The following TCF4 variants were observed in gnomAD, a reference collection of about 807,000 sequenced individuals.
The protein encoded by TCF4 is SL3-3 enhancer factor 2.
A neutral mutation model predicts 82.1 loss-of-function variants in TCF4; 3 were observed. That is an observed-to-expected ratio of 0.04 (90% confidence interval 0.02 to 0.09). The LOEUF (loss-of-function observed/expected upper bound fraction) is 0.09. Ranked by LOEUF, TCF4 falls within the 10% of genes least tolerant of loss-of-function variation. The pLI is 1.00. For missense variants in TCF4, 518 were observed against 852.7 expected, an observed-to-expected ratio of 0.61 and a Z score of 4.89; for synonymous variants, 276 against 309.6, an observed-to-expected ratio of 0.89 and a Z score of 1.14.
intron 6 of TCF4, among the ~76,000 whole-genome samples, chr18:55,363,847 T>C (rs2086149848): frequency 6.6e-6 from 1 of 151,956 alleles, no homozygotes; most frequent in South Asian, 2.1e-4. Context: ...GAAAACATTA[T>C]CCAAACCATA....
chr18:55,509,715 A>G (rs1452995264), intron 3 of TCF4, among the ~76,000 whole-genome samples: 2 of 152,148 alleles, frequency 1.3e-5, no homozygotes, highest in Non-Finnish European at 2.9e-5. Flanking sequence ...CAAAATCTTT[A>G]TTGAGAAGCA....
At chr18:55,439,666 C>T (rs1420300305) in intron 5 of TCF4, among the ~76,000 whole-genome samples, 3 of 152,130 alleles carry the variant, frequency 2.0e-5, no homozygotes, top group Non-Finnish European at 2.9e-5. Context: ...ATGGGTAACT[C>T]GAAAAGAACT....
intron 8 of TCF4, chr18:55,322,087 CTT>C (rs2075649607): frequency 9.7e-7 from 1 of 1,031,702 alleles, no homozygotes; most frequent in African/African-American, 2.0e-5. Context: ...TTTTCTTTTT[CTT>C]TTCTTTTTTT....
At chr18:55,296,563 G>A (rs1157398525) in intron 8 of TCF4, among the ~76,000 whole-genome samples, 1 of 152,124 alleles carries the variant, frequency 6.6e-6, no homozygotes, top group Non-Finnish European at 1.5e-5. Flanking sequence ...TTTACCTGCA[G>A]TGGTTTTTGG....
chr18:55,631,499 A>T, intron 1 of TCF4: 3 of 1,150,410 alleles, frequency 2.6e-6, no homozygotes, highest in Non-Finnish European at 3.6e-6. Context: ...GGTTAGGGTA[A>T]TGCCCTACAG....
chr18:55,278,321 A>G (rs973985755), intron 9 of TCF4, among the ~76,000 whole-genome samples: 5 of 152,172 alleles, frequency 3.3e-5, no homozygotes, highest in African/African-American at 1.2e-4. Flanking sequence ...GGCTTATACA[A>G]ATAAGGTTTT....
chr18:55,487,217 T>C (rs1271787991), intron 3 of TCF4, among the ~76,000 whole-genome samples: 1 of 152,128 alleles, frequency 6.6e-6, no homozygotes, highest in Admixed American at 6.5e-5. Flanking sequence ...TTCCTCAACC[T>C]GGAAAACATT....
intron 3 of TCF4, among the ~76,000 whole-genome samples, chr18:55,504,016 G>A (rs1372426451): frequency 6.6e-6 from 1 of 152,188 alleles, no homozygotes; most frequent in Non-Finnish European, 1.5e-5. Flanking sequence ...AGAAGTTGCA[G>A]TGAGACCGAT....
chr18:55,615,772 A>C (rs1212538462), intron 2 of TCF4, among the ~76,000 whole-genome samples: 2 of 152,108 alleles, frequency 1.3e-5, no homozygotes, highest in African/African-American at 4.8e-5. Flanking sequence ...TTTCTTTAAA[A>C]TTTTGGTTTT....
In TCF4 at chr18:55,438,075, C is replaced by T. The variant is rs1402471901; in HGVS notation, c.304+22944G>A. On this transcript the variant is annotated intron_variant, in intron 5 of 19. Transcript: ENST00000354452. ...AATTAACTGGGTGTGGTGGTGCATG[C>T]CTGTAATCCCAGCTACTCAGGAGGC... Among the ~76,000 whole-genome samples the T allele has an allele frequency of 2.6e-5, 4 of 151,978 alleles. No individual in the cohort carries two copies. In the East Asian group the frequency reaches 7.7e-4, roughly 29 times the overall value.
rs1041143685 is a variant in TCF4, at chr18:55,537,996, C to T, written c.145+47284G>A. On this transcript the variant is annotated intron_variant, in intron 3 of 19. Coordinates refer to ENST00000354452, the MANE Select transcript of TCF4 (RefSeq NM_001083962.2). ...TTATCCTGTCATTGGCCTTTGTTTG[C>T]TAGTCTGGATTTTGCTAGTCTGCGC... Among the ~76,000 whole-genome samples, 3 of 149,092 alleles carry T rather than the reference C, an allele frequency of 2.0e-5. No homozygotes were observed. In the South Asian group the frequency reaches 6.5e-4, roughly 32 times the overall value.
At chr18:55,233,532 C>T (rs991908155) in intron 16 of TCF4, among the ~76,000 whole-genome samples, 4 of 152,064 alleles carry the variant, frequency 2.6e-5, no homozygotes, top group African/African-American at 7.2e-5. Flanking sequence ...AAGAAAGGTC[C>T]TGGCCAGTTG....
chr18:55,588,779 T>G (rs1475276611), upstream of TCF4: 16 of 1,079,478 alleles, frequency 1.5e-5, 1 homozygote, highest in South Asian at 5.1e-4. Flanking sequence ...GGGCGAAATC[T>G]GAATTGCATA....
In TCF4 at chr18:55,257,302, A is replaced by G. The variant is rs895121635; in HGVS notation, c.1146+13T>C. The G allele has an allele frequency of 6.2e-7, 1 of 1,612,860 alleles. No homozygotes were observed. The highest frequency in any genetic ancestry group is 1.1e-5 in the South Asian group (1 of 91,048). Reference sequence around the variant, plus strand: ...GAAAATGGGTGGGACAGAGATTAGCAAATGAGACATACCAAAGAGTGTAAG... The same window carrying G: ...GAAAATGGGTGGGACAGAGATTAGCGAATGAGACATACCAAAGAGTGTAAG... On this transcript the variant is annotated intron_variant, in intron 14 of 19. Coordinates refer to ENST00000354452, the MANE Select transcript of TCF4 (RefSeq NM_001083962.2).
At chr18:55,557,522 C>G (rs2097315199) in intron 3 of TCF4, among the ~76,000 whole-genome samples, 1 of 151,584 alleles carries the variant, frequency 6.6e-6, no homozygotes, top group Non-Finnish European at 1.5e-5. Flanking sequence ...CTGAAGAAAA[C>G]AATCCAAAAG....
At chr18:55,314,617 C>CTTGT (rs1394115981) in intron 8 of TCF4, among the ~76,000 whole-genome samples, 4 of 150,668 alleles carry the variant, frequency 2.7e-5, no homozygotes, top group Admixed American at 1.3e-4. Context: ...GTACAGGGCA[C>CTTGT]TTGTATCTTG....
At chr18:55,445,861 A>G (rs547866586) in intron 5 of TCF4, among the ~76,000 whole-genome samples, 2 of 152,282 alleles carry the variant, frequency 1.3e-5, no homozygotes, top group East Asian at 1.9e-4. Flanking sequence ...ATTACCACGT[A>G]TATTATTAAG....
chr18:55,282,447 G>GTAGT (rs1292206602), intron 8 of TCF4, among the ~76,000 whole-genome samples: 2 of 152,050 alleles, frequency 1.3e-5, no homozygotes, highest in Non-Finnish European at 2.9e-5. Flanking sequence ...TGGATGACCA[G>GTAGT]TGAACTGCTT....
At chr18:55,296,907 A>C (rs1008363343) in intron 8 of TCF4, among the ~76,000 whole-genome samples, 3 of 152,176 alleles carry the variant, frequency 2.0e-5, no homozygotes, top group Non-Finnish European at 2.9e-5. Context: ...TAATATTAGG[A>C]ATGGGTGAGC....
Sources: allele counts gnomAD v4.1 joint callset (sites outside exome capture counted in the v4.1 genomes callset), GRCh38; gene constraint gnomAD v4.1.1; transcripts MANE v1.5; gene names NCBI Gene and HGNC (gene_info 2026-07-23, HGNC 2026-07-21).